The following GCH1 variants were observed in gnomAD, a reference collection of about 807,000 sequenced individuals.
GCH1 encodes the protein GTP cyclohydrolase I.
GCH1 carries 5 observed loss-of-function variants against 25.9 expected under a neutral mutation model. The observed-to-expected ratio is 0.19, with a 90% CI of 0.10 to 0.41. The LOEUF is 0.41. Among genes scored for constraint, GCH1 ranks in the 10% least tolerant of loss-of-function variants. The probability of loss-of-function intolerance (pLI) is 1.00; values close to 1 mark genes in which losing one functional copy is unlikely to be tolerated. For missense variants in GCH1, 261 were observed against 336.5 expected, an observed-to-expected ratio of 0.78 and a Z score of 1.75; for synonymous variants, 159 against 129.6, an observed-to-expected ratio of 1.23 and a Z score of -1.54.
rs866948938 is a variant in GCH1, at chr14:54,843,360, A to G, written c.*657T>C. On this transcript the variant is annotated 3_prime_UTR_variant, in exon 6 of 6. Coordinates refer to ENST00000491895, the MANE Select transcript of GCH1 (RefSeq NM_000161.3). ...TGACACGAGAATACACTCGTAAACAACACCAGGAACTAATTCCCTATTCTT... is the reference window on the plus strand; with the variant it reads ...TGACACGAGAATACACTCGTAAACAGCACCAGGAACTAATTCCCTATTCTT... 1 of 1,275,208 alleles carries G rather than the reference A, an allele frequency of 7.8e-7. No homozygotes were observed. Among genetic ancestry groups the G allele is most frequent in the Non-Finnish European group, 9.9e-7 (1 of 1,013,534 alleles). The allele number at this position is 1,275,208 out of a possible 1,614,324, so 79.0% of individuals were successfully genotyped here. A position where few individuals can be genotyped will look rare whatever the true frequency, so the allele number is the denominator to read the frequency against.
intron 1 of GCH1, among the ~76,000 whole-genome samples, chr14:54,866,468 A>T (rs1006869804): frequency 6.6e-6 from 1 of 151,980 alleles, no homozygotes; most frequent in African/African-American, 2.4e-5. Context: ...AGACATAGAA[A>T]AAAACTGTAC....
chr14:54,874,294 G>C (rs572412391), intron 1 of GCH1, among the ~76,000 whole-genome samples: 58 of 152,182 alleles, frequency 3.8e-4, no homozygotes, highest in Non-Finnish European at 6.8e-4. Flanking sequence ...ATTCAACAAC[G>C]CTTCATGCTA....
At chr14:54,862,653 C>T (rs1477748916) in intron 2 of GCH1, among the ~76,000 whole-genome samples, 1 of 127,406 alleles carries the variant, frequency 7.8e-6, no homozygotes, top group Non-Finnish European at 1.6e-5. Context: ...TACCATGTTG[C>T]CTAGGTTGGT....
intron 1 of GCH1, among the ~76,000 whole-genome samples, chr14:54,886,860 G>C (rs1406210193): frequency 3.3e-5 from 5 of 152,158 alleles, no homozygotes; most frequent in African/African-American, 1.2e-4. Context: ...GTTATTGTAG[G>C]TTGAAGTCTG....
rs944251618 is a variant in GCH1 at position 54,873,272 on chromosome 14, C to A, written c.344-7836G>T. Among the ~76,000 whole-genome samples the A allele has an allele frequency of 5.9e-5, 9 of 152,178 alleles. No homozygotes were observed. The East Asian group carries it at 1.5e-3, about 26-fold the overall frequency. On this transcript the variant is annotated intron_variant, in intron 1 of 5. Transcript: ENST00000491895. ...GGGTACATAACGAAATGAAGGTAGA[C>A]ATAAAGATGTTCTTTGAAACTAATG... is the stretch of plus-strand genomic sequence containing the variant.
At position 54,846,851 on chromosome 14, in the gene GCH1, G is replaced by A. The variant is rs1196348812; in HGVS notation, c.541+248C>T. Among the ~76,000 whole-genome samples the A allele has an allele frequency of 3.3e-5, 5 of 152,152 alleles. No individual in the cohort carries two copies. The East Asian group carries it at 7.7e-4, about 24-fold the overall frequency. On this transcript the variant is annotated intron_variant, in intron 4 of 5. Coordinates refer to ENST00000491895, the MANE Select transcript of GCH1 (RefSeq NM_000161.3). ...CAAGGTGGGCAGATCACCTGAGGTC[G>A]GAAGTTCGAGACCAGCCTGATCAAT...
chr14:54,861,528 G>C (rs527685434), intron 2 of GCH1, among the ~76,000 whole-genome samples: 1 of 152,074 alleles, frequency 6.6e-6, no homozygotes, highest in African/African-American at 2.4e-5. Flanking sequence ...TTCAAGACCA[G>C]CCTGGCCAAC....
intron 1 of GCH1, among the ~76,000 whole-genome samples, chr14:54,868,196 T>G (rs766825819): frequency 6.6e-6 from 1 of 152,144 alleles, no homozygotes; most frequent in African/African-American, 2.4e-5. Context: ...GGAGGATCAC[T>G]TGAGCCCAGC....
intron 2 of GCH1, 116 bp downstream of exon 2, chr14:54,865,211 A>G: frequency 1.5e-6 from 1 of 646,860 alleles, no homozygotes; most frequent in South Asian, 1.8e-5. Flanking sequence ...TATATGTATA[A>G]TTGTAAATAC....
chr14:54,883,835 G>A (rs1324322348), intron 1 of GCH1, among the ~76,000 whole-genome samples: 4 of 152,134 alleles, frequency 2.6e-5, no homozygotes, highest in African/African-American at 9.7e-5. Flanking sequence ...CTGGGGCAGG[G>A]GTGGGGTGGA....
chr14:54,851,036 A>T (rs947581695), intron 3 of GCH1, among the ~76,000 whole-genome samples: 6 of 152,204 alleles, frequency 3.9e-5, no homozygotes, highest in Admixed American at 3.9e-4. Context: ...CAAAACAGAG[A>T]TATAGACCAA....
intron 3 of GCH1, among the ~76,000 whole-genome samples, chr14:54,850,550 A>G (rs1046035216): frequency 1.3e-5 from 2 of 151,940 alleles, no homozygotes; most frequent in African/African-American, 4.8e-5. Context: ...CAGGTTTGTT[A>G]CATATGTATG....
At chr14:54,898,625 TTTA>T (rs1234443239) in intron 1 of GCH1, among the ~76,000 whole-genome samples, 3 of 152,228 alleles carry the variant, frequency 2.0e-5, no homozygotes, top group African/African-American at 7.2e-5. Flanking sequence ...TTTTTATTTA[TTTA>T]TTTACTGTTG....
At chr14:54,867,894 C>T (rs1481462130) in intron 1 of GCH1, among the ~76,000 whole-genome samples, 2 of 152,098 alleles carry the variant, frequency 1.3e-5, no homozygotes, top group African/African-American at 2.4e-5. Context: ...TAACAGAGTA[C>T]AGAAAAGGAA....
rs573400735 is a variant in GCH1, at chr14:54,858,354, C to T, written c.509+1327G>A. Among the ~76,000 whole-genome samples the T allele has an allele frequency of 1.1e-4, 17 of 152,250 alleles. No individual in the cohort carries two copies. The East Asian group carries it at 1.4e-3, about 12-fold the overall frequency. On this transcript the variant is annotated intron_variant, in intron 3 of 5. Transcript: ENST00000491895. ...AGGCTGGAGTGCAATGGCACAATCT[C>T]GGCTCACTGCAAGCTCTGCCTCCCG... is the stretch of plus-strand genomic sequence containing the variant.
chr14:54,880,862 C>G (rs1353957659), intron 1 of GCH1, among the ~76,000 whole-genome samples: 3 of 88,972 alleles, frequency 3.4e-5, no homozygotes, highest in Non-Finnish European at 3.9e-5. Context: ...TATATATACT[C>G]CATAATATAT....
At chr14:54,851,964 A>G (rs1290546001) in intron 3 of GCH1, among the ~76,000 whole-genome samples, 2 of 152,198 alleles carry the variant, frequency 1.3e-5, no homozygotes, top group African/African-American at 4.8e-5. Flanking sequence ...TAATTTTTGT[A>G]TTTTTAGTAG....
chr14:54,881,260 G>A (rs2040268704), intron 1 of GCH1, among the ~76,000 whole-genome samples: 1 of 151,996 alleles, frequency 6.6e-6, no homozygotes, highest in Admixed American at 6.6e-5. Flanking sequence ...TATAGGAGGA[G>A]GGCAAGGAGG....
At chr14:54,896,933 C>A (rs866700714) in intron 1 of GCH1, among the ~76,000 whole-genome samples, 13 of 141,034 alleles carry the variant, frequency 9.2e-5, no homozygotes, top group African/African-American at 2.2e-4. Flanking sequence ...AAAAAAAAAA[C>A]AAAAGAAGAA....
Sources: gnomAD v4.1 joint callset for allele counts (sites outside exome capture counted in the v4.1 genomes callset) on GRCh38, gnomAD v4.1.1 for gene constraint, MANE v1.5 for transcripts, NCBI Gene and HGNC (gene_info 2026-07-23, HGNC 2026-07-21) for gene names.